LPP: variants seen among roughly 807,000 people sequenced by gnomAD.
The protein encoded by LPP is LIM domain containing preferred translocation partner in lipoma.
A neutral mutation model predicts 60.4 loss-of-function variants in LPP; 38 were observed. The observed-to-expected ratio is 0.63, with a 90% CI of 0.49 to 0.83. The LOEUF (loss-of-function observed/expected upper bound fraction) is 0.83. LPP is among the 40% of genes least tolerant of loss of function. The pLI is 0.00. For synonymous variants in LPP, 328 were observed against 290.8 expected (o/e 1.13, Z -1.30); for missense variants, 902 against 783.6 (o/e 1.15, Z -1.80).
chr3:188,240,762 G>A (rs1305765831), intron 2 of LPP, among the ~76,000 whole-genome samples: 1 of 152,102 alleles, frequency 6.6e-6, no homozygotes, highest in Non-Finnish European at 1.5e-5. Flanking sequence ...CATGGCAAGG[G>A]AGGGGCGAGC....
chr3:188,659,175 A>C (rs1452183855), intron 7 of LPP, among the ~76,000 whole-genome samples: 1 of 152,228 alleles, frequency 6.6e-6, no homozygotes, highest in African/African-American at 2.4e-5. Flanking sequence ...TTTCTTCAGC[A>C]TTAGATGGCT....
At chr3:188,651,810 TAA>T (rs572576402) in intron 7 of LPP, among the ~76,000 whole-genome samples, 66 of 152,286 alleles carry the variant, frequency 4.3e-4, no homozygotes, top group African/African-American at 1.5e-3. Flanking sequence ...ACATGGGAAT[TAA>T]AGATGAGATT....
intron 7 of LPP, among the ~76,000 whole-genome samples, chr3:188,634,916 G>A (rs1449270614): frequency 6.6e-6 from 1 of 151,952 alleles, no homozygotes; most frequent in East Asian, 1.9e-4. Flanking sequence ...GGAAAAATTG[G>A]AGACCACAGA....
intron 9 of LPP, among the ~76,000 whole-genome samples, chr3:188,827,081 G>C (rs987562489): frequency 1.3e-5 from 2 of 152,242 alleles, no homozygotes; most frequent in Non-Finnish European, 2.9e-5. Context: ...TTGTATAGGA[G>C]ATCTGAGCAA....
intron 4 of LPP, among the ~76,000 whole-genome samples, chr3:188,428,340 A>T (rs1051087633): frequency 2.6e-5 from 4 of 152,102 alleles, no homozygotes; most frequent in Non-Finnish European, 4.4e-5. Flanking sequence ...GGAGCTGCAG[A>T]CTGGAGCTGT....
At chr3:188,723,006 T>C (rs1044110678) in intron 8 of LPP, among the ~76,000 whole-genome samples, 3 of 152,190 alleles carry the variant, frequency 2.0e-5, no homozygotes, top group South Asian at 4.1e-4. Context: ...CGCTGGAGAA[T>C]ACAAAAAGTG....
chr3:188,179,010 GTGAGCAAGAGAGAGGGAGGGAGAGAGAC>G, intron 1 of LPP: 1 of 300,262 alleles, frequency 3.3e-6, no homozygotes, highest in South Asian at 2.7e-5. Flanking sequence ...GAGAGAGAGA[GTGAGCAAGAGAGAGGGAGGGAGAGAGAC>G]AGAGAGAGAG....
At chr3:188,240,854 T>C (rs2149459259) in intron 2 of LPP, among the ~76,000 whole-genome samples, 1 of 152,270 alleles carries the variant, frequency 6.6e-6, no homozygotes, top group African/African-American at 2.4e-5. Flanking sequence ...TGAATGAACC[T>C]CCCTATTGGC....
At chr3:188,645,866 G>A (rs1461080459) in intron 7 of LPP, among the ~76,000 whole-genome samples, 1 of 150,618 alleles carries the variant, frequency 6.6e-6, no homozygotes, top group Non-Finnish European at 1.5e-5. Flanking sequence ...AAATGGATCT[G>A]AATCTAAGCA....
At chr3:188,485,625 G>A (rs1392141494) in intron 5 of LPP, among the ~76,000 whole-genome samples, 55 of 150,992 alleles carry the variant, frequency 3.6e-4, no homozygotes, top group Admixed American at 3.3e-3. Context: ...GTGAAACCCC[G>A]TCTCTACTAA....
chr3:188,363,000 A>T (rs776202170), intron 3 of LPP, among the ~76,000 whole-genome samples: 5 of 151,308 alleles, frequency 3.3e-5, no homozygotes, highest in Non-Finnish European at 5.9e-5. Context: ...CTGTTTTTTA[A>T]ATTATTATTA....
intron 2 of LPP, among the ~76,000 whole-genome samples, chr3:188,228,590 C>G (rs1247040540): frequency 6.6e-6 from 1 of 152,144 alleles, no homozygotes; most frequent in Admixed American, 6.5e-5. Context: ...TTGAGACCAG[C>G]CTGGGCAATG....
intron 6 of LPP, among the ~76,000 whole-genome samples, chr3:188,578,563 T>C (rs1835308040): frequency 6.6e-6 from 1 of 152,214 alleles, no homozygotes; most frequent in Non-Finnish European, 1.5e-5. Context: ...TGTGTCTTAC[T>C]TTTTAAAGGG....
At chr3:188,724,824 T>C (rs1717768987) in intron 8 of LPP, among the ~76,000 whole-genome samples, 1 of 152,134 alleles carries the variant, frequency 6.6e-6, no homozygotes, top group South Asian at 2.1e-4. Context: ...TCTAGTCTAG[T>C]GATGTGTAGA....
At position 188,352,616 on chromosome 3, in the gene LPP, A is replaced by G. The variant is rs1766219174; in HGVS notation, c.-10+10897A>G. Among the ~76,000 whole-genome samples the G allele has an allele frequency of 6.6e-6, 1 of 152,224 alleles. No homozygotes were observed. Among genetic ancestry groups the G allele is most frequent in the African/African-American group, 2.4e-5 (1 of 41,460 alleles). On this transcript the variant is annotated intron_variant, in intron 3 of 11. Coordinates refer to ENST00000617246, the MANE Select transcript of LPP (RefSeq NM_001375462.1). The surrounding 1 kb of genome is among the most constrained non-coding windows in gnomAD (Gnocchi z 4.4). ...GAGGACAGTGAGGCGCATTATGCGG[A>G]GGTGACTTGCTCAAGGCCACAGAGT...
chr3:188,417,925 G>A (rs1014043356), intron 4 of LPP, among the ~76,000 whole-genome samples: 4 of 151,968 alleles, frequency 2.6e-5, no homozygotes, highest in African/African-American at 9.7e-5. Flanking sequence ...GTTTTGTTTT[G>A]CTCTCTTACT....
intron 6 of LPP, among the ~76,000 whole-genome samples, chr3:188,547,255 T>TTATA (rs1826897433): frequency 6.6e-6 from 1 of 152,198 alleles, no homozygotes; most frequent in Admixed American, 6.6e-5. Flanking sequence ...CCTGTCTGCC[T>TTATA]TATATACACA....
chr3:188,505,647 G>A (rs1400648721), intron 5 of LPP, among the ~76,000 whole-genome samples: 1 of 151,974 alleles, frequency 6.6e-6, no homozygotes, highest in African/African-American at 2.4e-5. Flanking sequence ...ATATTTTCTA[G>A]TCTTGCCAAC....
chr3:188,660,428 C>T (rs1354700479), intron 7 of LPP, among the ~76,000 whole-genome samples: 2 of 152,180 alleles, frequency 1.3e-5, no homozygotes, highest in Admixed American at 6.5e-5. Flanking sequence ...ATGTTATTCT[C>T]ATAGTCACAA....
Sources: gnomAD v4.1 joint callset for allele counts (sites outside exome capture counted in the v4.1 genomes callset) on GRCh38, gnomAD v4.1.1 for gene constraint, Gnocchi (gnomAD v3.1) non-coding constraint, MANE v1.5 for transcripts, NCBI Gene and HGNC (gene_info 2026-07-23, HGNC 2026-07-21) for gene names.